SESTD1: variants seen among roughly 807,000 people sequenced by gnomAD.
The protein encoded by SESTD1 is SEC14 domain and spectrin repeat-containing protein 1.
Under a neutral mutation model 101.7 loss-of-function variants are expected in SESTD1, and 43 were observed. The ratio of observed to expected loss-of-function variants is 0.42; its 90% confidence interval spans 0.33 to 0.55. The LOEUF is 0.55. Among genes scored for constraint, SESTD1 ranks in the 20% least tolerant of loss-of-function variants. SESTD1 has a pLI of 0.07. For synonymous variants in SESTD1, 283 were observed against 286.8 expected (o/e 0.99, Z 0.13); for missense variants, 647 against 815.1 (o/e 0.79, Z 2.51).
At position 179,241,248 on chromosome 2, in the gene SESTD1, C is replaced by T. The variant is rs1458056701; in HGVS notation, c.-26+23251G>A. Among the ~76,000 whole-genome samples, 4 of 152,138 alleles carry T rather than the reference C, an allele frequency of 2.6e-5. No individual in the cohort carries two copies. The East Asian group carries it at 7.7e-4, about 29-fold the overall frequency. On this transcript the variant is annotated intron_variant, in intron 1 of 17. Coordinates refer to ENST00000428443, the MANE Select transcript of SESTD1 (RefSeq NM_178123.5). The stretch of plus-strand genomic sequence containing the variant: ...TATGAAAGATCAAACATTTGTTTCA[C>T]TGGAGTCCCAGAAGCAGAGGAGAAA...
intron 1 of SESTD1, among the ~76,000 whole-genome samples, chr2:179,199,007 G>A (rs889030166): frequency 6.6e-6 from 1 of 152,134 alleles, no homozygotes; most frequent in Non-Finnish European, 1.5e-5. Context: ...AAAAATTAAA[G>A]AATCCAGGAC....
intron 15 of SESTD1, among the ~76,000 whole-genome samples, chr2:179,115,927 T>G (rs2044620822): frequency 6.6e-6 from 1 of 152,188 alleles, no homozygotes; most frequent in African/African-American, 2.4e-5. Flanking sequence ...GCACTTTATA[T>G]TCCATATAGG....
At chr2:179,114,327 A>AAGTT in intron 16 of SESTD1, among the ~76,000 whole-genome samples, 1 of 152,310 alleles carries the variant, frequency 6.6e-6, no homozygotes, top group Non-Finnish European at 1.5e-5. Context: ...TCCATGGATC[A>AAGTT]AGTTAGGTTT....
chr2:179,166,535 C>T (rs2045838359), intron 5 of SESTD1, among the ~76,000 whole-genome samples: 1 of 152,146 alleles, frequency 6.6e-6, no homozygotes, highest in Admixed American at 6.5e-5. Context: ...GTTCCCAAAA[C>T]TGGGGGAGGG....
At chr2:179,159,704 T>A (rs2045698555) in intron 5 of SESTD1, among the ~76,000 whole-genome samples, 1 of 152,210 alleles carries the variant, frequency 6.6e-6, no homozygotes. Flanking sequence ...TATTCCTTTC[T>A]GTTACAGCCC....
intron 1 of SESTD1, among the ~76,000 whole-genome samples, chr2:179,195,235 G>C (rs1208708170): frequency 1.3e-5 from 2 of 152,208 alleles, no homozygotes; most frequent in South Asian, 2.1e-4. Flanking sequence ...TGTAGAGTGA[G>C]GGAAGTGATT....
At chr2:179,137,054 C>T (rs1394804456) in intron 9 of SESTD1, among the ~76,000 whole-genome samples, 1 of 152,094 alleles carries the variant, frequency 6.6e-6, no homozygotes, top group Non-Finnish European at 1.5e-5. Context: ...TTAATAATGG[C>T]AGTTTGCCAA....
chr2:179,169,289 A>G (rs895131867), intron 5 of SESTD1, among the ~76,000 whole-genome samples: 1 of 152,190 alleles, frequency 6.6e-6, no homozygotes, highest in African/African-American at 2.4e-5. Flanking sequence ...AGAATGCTGG[A>G]GTAGTTATAT....
intron 1 of SESTD1, among the ~76,000 whole-genome samples, chr2:179,230,109 ATCTCTTTTTTTTTTTTTTT>A (rs2046961766): frequency 3.2e-5 from 3 of 94,192 alleles, no homozygotes; most frequent in African/African-American, 9.4e-5. Flanking sequence ...ACTGGATTGT[ATCTCTTTTTTTTTTTTTTT>A]TTTTTTTTTT....
chr2:179,203,358 C>A (rs1195964419), intron 1 of SESTD1, among the ~76,000 whole-genome samples: 4 of 134,046 alleles, frequency 3.0e-5, no homozygotes, highest in Non-Finnish European at 1.6e-5. Flanking sequence ...CGGCCCCAGG[C>A]AGTACCACCC....
chr2:179,149,581 T>A (rs1378064329), intron 6 of SESTD1, among the ~76,000 whole-genome samples, 187 bp from the exon 7 acceptor site: 1 of 152,206 alleles, frequency 6.6e-6, no homozygotes, highest in Non-Finnish European at 1.5e-5. Flanking sequence ...CCTAAAGCAA[T>A]GAATAGTTTC....
intron 1 of SESTD1, among the ~76,000 whole-genome samples, chr2:179,254,372 T>G (rs1041749370): frequency 6.6e-5 from 10 of 152,312 alleles, no homozygotes; most frequent in Admixed American, 2.0e-4. Flanking sequence ...GACTTTTTAT[T>G]CTAGCTGAAC....
intron 1 of SESTD1, among the ~76,000 whole-genome samples, chr2:179,233,341 C>T: frequency 6.6e-6 from 1 of 152,136 alleles, no homozygotes; most frequent in South Asian, 2.1e-4. Context: ...ACAACAGAAA[C>T]CAGACTTCCT....
chr2:179,211,488 G>T (rs1369949450), intron 1 of SESTD1, among the ~76,000 whole-genome samples: 2 of 133,884 alleles, frequency 1.5e-5, no homozygotes, highest in Non-Finnish European at 3.2e-5. Context: ...GAACAAAATA[G>T]AGAACCCAGA....
chr2:179,185,809 T>G (rs1385552214), intron 2 of SESTD1, among the ~76,000 whole-genome samples: 1 of 129,918 alleles, frequency 7.7e-6, no homozygotes, highest in Admixed American at 8.4e-5. Flanking sequence ...ATATAGCATA[T>G]ACAATATAGT....
At chr2:179,166,306 A>G (rs2045833266) in intron 5 of SESTD1, among the ~76,000 whole-genome samples, 1 of 152,138 alleles carries the variant, frequency 6.6e-6, no homozygotes, top group Admixed American at 6.6e-5. Context: ...TGAGGGGAAG[A>G]GCAGCCACTA....
intron 1 of SESTD1, among the ~76,000 whole-genome samples, chr2:179,231,746 A>T (rs189348730): frequency 0.03 from 4,550 of 150,666 alleles, 89 homozygotes; most frequent in Non-Finnish European, 0.048. Context: ...TAAAAAATTT[A>T]AAAAAAAAGG....
intron 1 of SESTD1, among the ~76,000 whole-genome samples, chr2:179,247,537 C>T (rs1473892203): frequency 6.6e-6 from 1 of 152,122 alleles, no homozygotes; most frequent in African/African-American, 2.4e-5. Flanking sequence ...CAATCCCTCC[C>T]ACATCAGCTC....
intron 5 of SESTD1, among the ~76,000 whole-genome samples, chr2:179,162,882 T>C (rs1343343161): frequency 6.7e-6 from 1 of 150,056 alleles, no homozygotes; most frequent in Non-Finnish European, 1.5e-5. Flanking sequence ...TCTCAGCTAC[T>C]CAGGAGGCTG....
Sources: allele counts gnomAD v4.1 joint callset (sites outside exome capture counted in the v4.1 genomes callset), GRCh38; gene constraint gnomAD v4.1.1; transcripts MANE v1.5; gene names NCBI Gene and HGNC (gene_info 2026-07-23, HGNC 2026-07-21).